Variants in SLC9A7 observed in about 807,000 individuals in gnomAD.
The protein encoded by SLC9A7 is sodium/hydrogen exchanger 7.
Under a neutral mutation model 52.6 loss-of-function variants are expected in SLC9A7, and 19 were observed. That is an observed-to-expected ratio of 0.36 (90% CI 0.25 to 0.53). SLC9A7 has a LOEUF of 0.53. Ranked by LOEUF, SLC9A7 falls within the 20% of genes least tolerant of loss-of-function variation. The pLI, the probability that SLC9A7 is intolerant of heterozygous loss-of-function variation, is 0.91. For missense variants in SLC9A7, 455 were observed against 597.9 expected, an observed-to-expected ratio of 0.76 and a Z score of 2.49; for synonymous variants, 226 against 252.1, an observed-to-expected ratio of 0.90 and a Z score of 0.98.
intron 8 of SLC9A7, among the ~76,000 whole-genome samples, chrX:46,652,139 G>C (rs1943592868): frequency 9.0e-6 from 1 of 111,395 alleles, no homozygotes; most frequent in African/African-American, 3.3e-5. Flanking sequence ...TCAAACTAAT[G>C]CTTTATATAC....
chrX:46,683,833 C>T (rs896951297), intron 1 of SLC9A7, among the ~76,000 whole-genome samples: 4 of 112,320 alleles, frequency 3.6e-5, no homozygotes, highest in African/African-American at 1.3e-4. Context: ...ATATTTGCTT[C>T]CTCATCTCAT....
At chrX:46,748,466 T>A (rs1049232483) in intron 1 of SLC9A7, among the ~76,000 whole-genome samples, 1 of 107,202 alleles carries the variant, frequency 9.3e-6, no homozygotes, top group Non-Finnish European at 1.9e-5. Context: ...CATACCTCTA[T>A]GTGAGTGTTC....
chrX:46,632,280 C>T, intron 13 of SLC9A7, among the ~76,000 whole-genome samples: 1 of 112,162 alleles, frequency 8.9e-6, no homozygotes, highest in Non-Finnish European at 1.9e-5. Flanking sequence ...CTCTCCTTGA[C>T]CAAACTTTAG....
intron 1 of SLC9A7, among the ~76,000 whole-genome samples, chrX:46,683,615 A>G (rs1179890706): frequency 1.8e-5 from 2 of 111,670 alleles, no homozygotes; most frequent in Non-Finnish European, 3.8e-5. Context: ...ATAAGCATTC[A>G]ATTCTGTGAA....
At chrX:46,680,472 A>G (rs1355253513) in intron 2 of SLC9A7, among the ~76,000 whole-genome samples, 2 of 111,464 alleles carry the variant, frequency 1.8e-5, no homozygotes, top group Non-Finnish European at 3.8e-5. Flanking sequence ...TATAGACAAA[A>G]TTGTGCTGAA....
At chrX:46,739,480 A>C (rs1188668428) in intron 1 of SLC9A7, among the ~76,000 whole-genome samples, 1 of 109,722 alleles carries the variant, frequency 9.1e-6, no homozygotes, top group Non-Finnish European at 1.9e-5. Flanking sequence ...GGTGGTGGCT[A>C]TGTGTTCTCC....
chrX:46,685,215 C>T (rs1944276124), intron 1 of SLC9A7: 1 of 111,739 alleles, frequency 8.9e-6, no homozygotes, highest in South Asian at 3.8e-4. Context: ...TCTATAATGG[C>T]TTCAGTCTAC....
intron 2 of SLC9A7, 42 bp from the exon 3 acceptor site, chrX:46,679,797 C>T: frequency 8.2e-6 from 7 of 856,662 alleles, no homozygotes; most frequent in Non-Finnish European, 1.2e-5. Flanking sequence ...TTTTATTTAA[C>T]TCCAATTCAT....
chrX:46,624,240 C>A (rs866313860), intron 14 of SLC9A7, among the ~76,000 whole-genome samples: 1 of 101,100 alleles, frequency 9.9e-6, no homozygotes, highest in Non-Finnish European at 2.0e-5. Flanking sequence ...GGAACCCCCC[C>A]CTATAGCCAG....
chrX:46,701,339 G>A (rs1304097484), intron 1 of SLC9A7, among the ~76,000 whole-genome samples: 2 of 111,593 alleles, frequency 1.8e-5, no homozygotes, highest in African/African-American at 6.5e-5. Flanking sequence ...TGTAATCCCA[G>A]CACTTTGGGA....
At chrX:46,642,274 C>T (rs758382584) in intron 12 of SLC9A7, among the ~76,000 whole-genome samples, 10 of 113,022 alleles carry the variant, frequency 8.8e-5, no homozygotes, top group Admixed American at 2.8e-4. Context: ...AGAATACAAA[C>T]TAAAAAAGCC....
Position 46,604,301 on chromosome X carries a change from C to T in SLC9A7, c.*2651G>A, listed in dbSNP as rs987503814. 8.9e-6 allele frequency: 1 copy of T among 112,217 alleles called. No homozygotes were observed. 9.2% of individuals were successfully genotyped at this position (112,217 alleles called of 1,213,427 possible). A position where few individuals can be genotyped will look rare whatever the true frequency, so the allele number is the denominator to read the frequency against. ...TTAAGTCCTTCACTAGCCTAGTTGA[C>T]CCTGAGGGCTCATGGGTTTGGATAG... On this transcript the variant is annotated 3_prime_UTR_variant, in exon 17 of 17. Coordinates refer to ENST00000616978, the MANE Select transcript of SLC9A7 (RefSeq NM_001257291.2).
At chrX:46,757,378 C>T (rs1922749122) in intron 1 of SLC9A7, among the ~76,000 whole-genome samples, 1 of 112,266 alleles carries the variant, frequency 8.9e-6, no homozygotes, top group African/African-American at 3.2e-5. Context: ...TAGGTCACTA[C>T]TTCATCAAAA....
chrX:46,723,298 C>CAAA (rs764219707), intron 1 of SLC9A7, among the ~76,000 whole-genome samples: 10 of 18,580 alleles, frequency 5.4e-4, no homozygotes, highest in East Asian at 1.4e-3. Flanking sequence ...AAGATTTCTA[C>CAAA]AAAAAAAAAA....
chrX:46,725,326 C>T (rs1359581178), intron 1 of SLC9A7: 2 of 1,163,479 alleles, frequency 1.7e-6, no homozygotes, highest in Non-Finnish European at 2.3e-6. Flanking sequence ...TCCAACTTTG[C>T]TTCTAGGTCA....
chrX:46,669,827 C>T (rs1569514468), intron 4 of SLC9A7, 108 bp from the exon 5 acceptor site: 2 of 369,129 alleles, frequency 5.4e-6, no homozygotes, highest in Non-Finnish European at 9.4e-6. Context: ...ATGAAAACAA[C>T]AGGCAGCTGC....
intron 1 of SLC9A7, among the ~76,000 whole-genome samples, chrX:46,716,060 A>G (rs1412309101): frequency 9.0e-6 from 1 of 111,558 alleles, no homozygotes; most frequent in Non-Finnish European, 1.9e-5. Context: ...CCCCTGACTT[A>G]TAATAGTAAT....
intron 1 of SLC9A7, among the ~76,000 whole-genome samples, chrX:46,736,479 C>T (rs1945124069): frequency 9.0e-6 from 1 of 111,612 alleles, no homozygotes; most frequent in African/African-American, 3.3e-5. Flanking sequence ...CCTTTTTGGT[C>T]TTGTAATGTA....
At chrX:46,726,053 ATTGAG>A (rs200413239) in intron 1 of SLC9A7, among the ~76,000 whole-genome samples, 2,210 of 111,171 alleles carry the variant, frequency 0.02, 50 homozygotes, top group African/African-American at 0.068. Context: ...TATAAATGGT[ATTGAG>A]TTGTTAGAAG....
Sources: gnomAD v4.1 joint callset for allele counts (sites outside exome capture counted in the v4.1 genomes callset) on GRCh38, gnomAD v4.1.1 for gene constraint, MANE v1.5 for transcripts, NCBI Gene and HGNC (gene_info 2026-07-23, HGNC 2026-07-21) for gene names.